The following DHX30 variants were observed in gnomAD, a reference collection of about 807,000 sequenced individuals.
The protein encoded by DHX30 is DExH-box helicase 30, also known as ATP-dependent RNA helicase DHX30.
Under a neutral mutation model 116.9 loss-of-function variants are expected in DHX30, and 4 were observed. The observed-to-expected ratio is 0.03, with a 90% CI of 0.02 to 0.08. The LOEUF is 0.08. DHX30 is among the 10% of genes least tolerant of loss of function. DHX30 has a pLI of 1.00. For synonymous variants in DHX30, 697 were observed against 651.7 expected (o/e 1.07, Z -1.06); for missense variants, 871 against 1,595.1 (o/e 0.55, Z 7.73).
chr3:47,814,620 A>G (rs1203951595), intron 3 of DHX30, among the ~76,000 whole-genome samples: 1 of 151,674 alleles, frequency 6.6e-6, no homozygotes, highest in Non-Finnish European at 1.5e-5. Flanking sequence ...TCCCAGATTC[A>G]TGCCATTTTT....
chr3:47,826,444 CTTTT>C (rs978485673), intron 4 of DHX30, among the ~76,000 whole-genome samples: 3 of 133,952 alleles, frequency 2.2e-5, no homozygotes, highest in Non-Finnish European at 1.6e-5. Context: ...GGTTTTCTTT[CTTTT>C]TTTTTTTTTT....
chr3:47,803,299 GTC>G (rs2035369091), intron 1 of DHX30, 87 bp downstream of exon 1: 2 of 388,312 alleles, frequency 5.2e-6, no homozygotes, highest in Admixed American at 9.0e-5. Flanking sequence ...AGGGGGCCCG[GTC>G]CGACCGCCAG....
At chr3:47,817,994 C>T (rs550245344) in intron 3 of DHX30, 28 bp from the exon 4 acceptor site, 11 of 781,000 alleles carry the variant, frequency 1.4e-5, no homozygotes, top group South Asian at 5.4e-5. Context: ...GAGAACATGT[C>T]GCCCTGATGC....
intron 6 of DHX30, among the ~76,000 whole-genome samples, chr3:47,829,619 C>T (rs1247697003): frequency 6.6e-6 from 1 of 151,946 alleles, no homozygotes; most frequent in Non-Finnish European, 1.5e-5. Flanking sequence ...GTTGGGATTA[C>T]AGGCGTGAGC....
chr3:47,825,879 TCTTAACTG>T (rs1025712433), intron 4 of DHX30: 1 of 152,138 alleles, frequency 6.6e-6, no homozygotes, highest in Admixed American at 6.6e-5. Context: ...AGATATGGTT[TCTTAACTG>T]CTTAACTGCT....
chr3:47,828,615 C>CA (rs2036658293), intron 5 of DHX30, among the ~76,000 whole-genome samples: 1 of 151,738 alleles, frequency 6.6e-6, no homozygotes, highest in Non-Finnish European at 1.5e-5. Flanking sequence ...ACTAAAAGTA[C>CA]AAAAAATTAG....
At chr3:47,806,500 C>T (rs1352176999) in intron 2 of DHX30, among the ~76,000 whole-genome samples, 5 of 145,480 alleles carry the variant, frequency 3.4e-5, no homozygotes, top group African/African-American at 1.3e-4. Flanking sequence ...GGCTGGAGTA[C>T]AGTGGTGCAA....
chr3:47,841,087 G>A lies in DHX30; in HGVS notation c.577G>A (p.Glu193Lys), dbSNP rs1001238876. Reference sequence around the variant, plus strand: ...TTTAGGCCGGGAAGAAGAGGAGGACGAGGAGGAAGAGCTAGAAGAAGGGAC... The same window carrying A: ...TTTAGGCCGGGAAGAAGAGGAGGACAAGGAGGAAGAGCTAGAAGAAGGGAC... Reference protein sequence around the residue: ...RSLGREEEEDEEEELEEGTID... With the variant: ...RSLGREEEEDKEEELEEGTID... The change falls in exon 7 of 22, where the codon GAG (glutamate) becomes AAG (lysine). Residue 193 changes from glutamate to lysine, a missense_variant. By Grantham distance (56) the Glu-to-Lys change is moderately conservative. This residue lies in a region of DHX30 where 109 missense variants were observed against 118.8 expected (regional missense o/e 0.92). Transcript: ENST00000445061. The A allele has an allele frequency of 3.1e-6, 5 of 1,614,046 alleles. No homozygotes were observed. Among genetic ancestry groups the A allele is most frequent in the Non-Finnish European group, 3.4e-6 (4 of 1,180,050 alleles).
intron 2 of DHX30, among the ~76,000 whole-genome samples, chr3:47,805,683 C>T (rs1166591692): frequency 6.6e-6 from 1 of 151,948 alleles, no homozygotes; most frequent in South Asian, 2.1e-4. Flanking sequence ...AGATTACAGG[C>T]GCCTGCCACC....
chr3:47,832,148 C>T (rs567422836), intron 6 of DHX30, among the ~76,000 whole-genome samples: 1 of 150,942 alleles, frequency 6.6e-6, no homozygotes, highest in South Asian at 2.1e-4. Context: ...TGGGCTGAAG[C>T]GATCCTTCTG....
intron 4 of DHX30, chr3:47,819,135 T>TA (rs2036183578): frequency 1.9e-6 from 2 of 1,035,816 alleles, no homozygotes; most frequent in Non-Finnish European, 2.7e-6. Flanking sequence ...CCTGACCATT[T>TA]GACTTAGGTT....
At chr3:47,845,324 A>G (rs559717717) in intron 9 of DHX30, among the ~76,000 whole-genome samples, 2 of 151,866 alleles carry the variant, frequency 1.3e-5, no homozygotes, top group Admixed American at 1.3e-4. Flanking sequence ...AGTAGCTGGG[A>G]CTATAGGTGC....
intron 10 of DHX30, 135 bp from the exon 11 acceptor site, chr3:47,846,029 AG>A: frequency 7.2e-7 from 1 of 1,388,130 alleles, no homozygotes; most frequent in Non-Finnish European, 9.8e-7. Flanking sequence ...ATCCCGGGGC[AG>A]TCATGGACTA....
chr3:47,835,762 A>G lies in DHX30; in HGVS notation c.367-5115A>G, dbSNP rs530794503. Among the ~76,000 whole-genome samples, 11 of 152,340 alleles carry G rather than the reference A, an allele frequency of 7.2e-5. No individual in the cohort carries two copies. The East Asian group carries it at 2.1e-3, about 29-fold the overall frequency. ...TGGCTCTCTTTTGGGTTTTCTATATATAAGATATGTCATTTGTAAGCAGGG... is the reference window on the plus strand; with the variant it reads ...TGGCTCTCTTTTGGGTTTTCTATATGTAAGATATGTCATTTGTAAGCAGGG... On this transcript the variant is annotated intron_variant, in intron 6 of 21. Coordinates refer to ENST00000445061, the MANE Select transcript of DHX30 (RefSeq NM_138615.3).
At chr3:47,825,038 C>T (rs1486899403) in intron 4 of DHX30, 7 of 652,236 alleles carry the variant, frequency 1.1e-5, no homozygotes, top group Non-Finnish European at 1.7e-5. Flanking sequence ...GGCGGGAGCA[C>T]GATGGCGGCC....
intron 6 of DHX30, among the ~76,000 whole-genome samples, chr3:47,831,924 C>CTTTTTTTTTTTTTTTTTTTTTTTTTTTT (rs1448275730): frequency 3.3e-5 from 4 of 120,380 alleles, no homozygotes; most frequent in Non-Finnish European, 5.1e-5. Flanking sequence ...AGGCCTTTTC[C>CTTTTTTTTTTTTTTTTTTTTTTTTTTTT]TTTTTCTTTT....
At chr3:47,834,928 A>G (rs948012861) in intron 6 of DHX30, among the ~76,000 whole-genome samples, 1 of 152,172 alleles carries the variant, frequency 6.6e-6, no homozygotes, top group African/African-American at 2.4e-5. Flanking sequence ...CCCTTTGGGT[A>G]TATACCCAGA....
chr3:47,811,897 C>T (rs1219160601), intron 3 of DHX30, among the ~76,000 whole-genome samples: 1 of 151,936 alleles, frequency 6.6e-6, no homozygotes, highest in Non-Finnish European at 1.5e-5. Context: ...AACCCCATCT[C>T]TACTAAAATA....
chr3:47,847,670 T>G lies in DHX30; in HGVS notation c.2111-111T>G, dbSNP rs567688247. The G allele has an allele frequency of 1.4e-4, 211 of 1,478,976 alleles. No homozygotes were observed. The African/African-American group carries it at 2.6e-3, about 18-fold the overall frequency. 91.6% of individuals were successfully genotyped at this position (1,478,976 alleles called of 1,614,324 possible). A position where few individuals can be genotyped will look rare whatever the true frequency, so the allele number is the denominator to read the frequency against. ...GGCACTTTTCACTGGGCATAGTGTT[T>G]ATCTGCGCCTGTTTCATCAAAATGG... On this transcript the variant is annotated intron_variant, in intron 13 of 21. Coordinates refer to ENST00000445061, the MANE Select transcript of DHX30 (RefSeq NM_138615.3). This position sits in a 1 kb window ranked among gnomAD's most constrained non-coding sequence, Gnocchi z 5.5.
Sources: allele counts gnomAD v4.1 joint callset (sites outside exome capture counted in the v4.1 genomes callset), GRCh38; gene constraint gnomAD v4.1.1; regional missense constraint gnomAD v4.1.1; non-coding constraint Gnocchi (gnomAD v3.1); transcripts MANE v1.5; gene names NCBI Gene and HGNC (gene_info 2026-07-23, HGNC 2026-07-21).